TCF7L2: variants seen among roughly 807,000 people sequenced by gnomAD.
TCF7L2 encodes transcription factor 7-like 2.
Under a neutral mutation model 77.9 loss-of-function variants are expected in TCF7L2, and 23 were observed. The ratio of observed to expected loss-of-function variants is 0.30; its 90% confidence interval spans 0.21 to 0.42. The LOEUF is 0.42. Among genes scored for constraint, TCF7L2 ranks in the 10% least tolerant of loss-of-function variants. TCF7L2 has a pLI of 1.00. For missense variants in TCF7L2, 654 were observed against 793.1 expected (o/e 0.82, Z 2.11); for synonymous variants, 413 against 340.2 (o/e 1.21, Z -2.36).
chr10:113,049,948 G>A lies in TCF7L2; in HGVS notation c.552+9822G>A, dbSNP rs114210631. Among the ~76,000 whole-genome samples the A allele has an allele frequency of 8.9e-3, 1,357 of 152,252 alleles. 18 individuals carry two copies. Among genetic ancestry groups the A allele is most frequent in the African/African-American group, 0.031 (1,290 of 41,538 alleles). On this transcript the variant is annotated intron_variant, in intron 5 of 13. Coordinates refer to ENST00000627217, the MANE Select transcript of TCF7L2 (RefSeq NM_001146274.2). ...CAGACCCTGGCTCATCCAGCAGGGCGTGGCTGATGTTTTCAATGTTGTATC... is the reference window on the plus strand; with the variant it reads ...CAGACCCTGGCTCATCCAGCAGGGCATGGCTGATGTTTTCAATGTTGTATC...
intron 4 of TCF7L2, among the ~76,000 whole-genome samples, chr10:113,035,976 G>A (rs1359222962): frequency 6.6e-6 from 1 of 152,034 alleles, no homozygotes; most frequent in African/African-American, 2.4e-5. Flanking sequence ...ACAAATAAAG[G>A]GACAAATTCC....
chr10:113,134,433 G>T (rs2067092886), intron 5 of TCF7L2, among the ~76,000 whole-genome samples: 1 of 152,204 alleles, frequency 6.6e-6, no homozygotes, highest in African/African-American at 2.4e-5. Flanking sequence ...CATCCCACCA[G>T]CAGAAATAGT....
intron 3 of TCF7L2, among the ~76,000 whole-genome samples, chr10:112,961,563 G>A (rs1429153205): frequency 1.3e-5 from 2 of 152,000 alleles, no homozygotes; most frequent in Non-Finnish European, 2.9e-5. Flanking sequence ...TTACAGGGAA[G>A]GAAAAAGCAG....
intron 4 of TCF7L2, among the ~76,000 whole-genome samples, chr10:112,982,907 G>A (rs758098062): frequency 3.3e-5 from 5 of 152,124 alleles, no homozygotes; most frequent in Non-Finnish European, 2.9e-5. Context: ...TTACAGGTGT[G>A]AGCCACTGCC....
intron 5 of TCF7L2, among the ~76,000 whole-genome samples, chr10:113,098,195 A>G (rs2061266963): frequency 6.6e-6 from 1 of 151,768 alleles, no homozygotes; most frequent in African/African-American, 2.4e-5. Context: ...CTTGTGATGT[A>G]ATGATATGTT....
At chr10:113,011,090 T>C (rs768534007) in intron 4 of TCF7L2, among the ~76,000 whole-genome samples, 1 of 152,204 alleles carries the variant, frequency 6.6e-6, no homozygotes, top group Non-Finnish European at 1.5e-5. Context: ...TGTCCTTACC[T>C]TGAAGAAACC....
chr10:113,107,818 A>C (rs2062598055), intron 5 of TCF7L2, among the ~76,000 whole-genome samples: 2 of 151,484 alleles, frequency 1.3e-5, no homozygotes, highest in South Asian at 4.2e-4. Flanking sequence ...TTAGGGAAAT[A>C]ATGCTTTTGG....
chr10:113,053,658 G>A (rs1400815906), intron 5 of TCF7L2, among the ~76,000 whole-genome samples: 1 of 152,160 alleles, frequency 6.6e-6, no homozygotes, highest in Non-Finnish European at 1.5e-5. Context: ...TGACATAAAA[G>A]CCTCATTTTG....
chr10:113,051,203 C>A (rs1591023204), intron 5 of TCF7L2, among the ~76,000 whole-genome samples: 1 of 140,390 alleles, frequency 7.1e-6, no homozygotes, highest in East Asian at 2.1e-4. Context: ...TGCATACACA[C>A]CACACACACA....
intron 11 of TCF7L2, among the ~76,000 whole-genome samples, chr10:113,154,753 T>A (rs1225963770): frequency 6.6e-6 from 1 of 152,176 alleles, no homozygotes; most frequent in African/African-American, 2.4e-5. Flanking sequence ...TTTGGTATAA[T>A]AAGGGAACTC....
intron 5 of TCF7L2, among the ~76,000 whole-genome samples, chr10:113,056,908 G>A (rs751826421): frequency 7.9e-5 from 12 of 152,320 alleles, no homozygotes; most frequent in Middle Eastern, 3.4e-3. Context: ...GGCCTCTACA[G>A]AGCGGTCTCA....
intron 5 of TCF7L2, among the ~76,000 whole-genome samples, chr10:113,128,035 CGT>C (rs1193375816): frequency 1.3e-5 from 2 of 151,950 alleles, no homozygotes; most frequent in African/African-American, 4.8e-5. Context: ...TAAGAAATTG[CGT>C]GTGTGACAAA....
intron 4 of TCF7L2, among the ~76,000 whole-genome samples, chr10:113,034,041 C>G (rs1371808878): frequency 6.6e-6 from 1 of 152,122 alleles, no homozygotes; most frequent in Non-Finnish European, 1.5e-5. Flanking sequence ...GACGCCCAGG[C>G]AAAATTATTT....
rs191607061 is a variant in TCF7L2 at position 113,151,434 on chromosome 10, G to A, written c.1002-291G>A. ...ATTTAGAGCTTTGTTCTGCAAGCAGGAGAAAACCCTGCCGAGGTGAAGACA... is the reference window on the plus strand; with the variant it reads ...ATTTAGAGCTTTGTTCTGCAAGCAGAAGAAAACCCTGCCGAGGTGAAGACA... On this transcript the variant is annotated intron_variant, in intron 9 of 13. Transcript: ENST00000627217. This position sits in a 1 kb window ranked among gnomAD's most constrained non-coding sequence, Gnocchi z 5.2. Among the ~76,000 whole-genome samples, 15 of 152,248 alleles carry A rather than the reference G, an allele frequency of 9.9e-5. No individual in the cohort carries two copies. The East Asian group carries it at 2.7e-3, about 28-fold the overall frequency.
intron 4 of TCF7L2, among the ~76,000 whole-genome samples, chr10:112,993,848 A>T (rs1228618832): frequency 6.6e-6 from 1 of 152,112 alleles, no homozygotes; most frequent in Non-Finnish European, 1.5e-5. Context: ...TGAGGTCAGG[A>T]GTTCGAGACC....
intron 5 of TCF7L2, among the ~76,000 whole-genome samples, chr10:113,086,636 A>T (rs1393172559): frequency 6.6e-6 from 1 of 152,216 alleles, no homozygotes; most frequent in African/African-American, 2.4e-5. Context: ...AGTAACTGGC[A>T]GTATTGTTAC....
chr10:113,129,888 A>G (rs1238476000), intron 5 of TCF7L2: 3 of 1,290,882 alleles, frequency 2.3e-6, no homozygotes, highest in East Asian at 5.5e-5. Flanking sequence ...ACACAATTTT[A>G]GTGGGAATGG....
At chr10:112,995,896 A>G (rs994683024) in intron 4 of TCF7L2, among the ~76,000 whole-genome samples, 4 of 152,158 alleles carry the variant, frequency 2.6e-5, no homozygotes, top group African/African-American at 9.7e-5. Flanking sequence ...GGCTCCAGAA[A>G]TATCTGTGAG....
At chr10:113,156,363 C>T (rs1312731110) in intron 11 of TCF7L2, among the ~76,000 whole-genome samples, 1 of 152,176 alleles carries the variant, frequency 6.6e-6, no homozygotes, top group African/African-American at 2.4e-5. Context: ...ATCTGCCCGC[C>T]TTGGCCTCCC....
Sources: gnomAD v4.1 joint callset for allele counts (sites outside exome capture counted in the v4.1 genomes callset) on GRCh38, gnomAD v4.1.1 for gene constraint, Gnocchi (gnomAD v3.1) non-coding constraint, MANE v1.5 for transcripts, NCBI Gene and HGNC (gene_info 2026-07-23, HGNC 2026-07-21) for gene names.